Variants in PRUNE2 observed in about 807,000 individuals in gnomAD.
PRUNE2 encodes the protein protein prune homolog 2.
Under a neutral mutation model 252.0 loss-of-function variants are expected in PRUNE2, and 164 were observed. The ratio of observed to expected loss-of-function variants is 0.65; its 90% CI spans 0.57 to 0.74. The LOEUF is 0.74. PRUNE2 is among the 30% of genes least tolerant of loss of function. PRUNE2 has a pLI of 0.00. For missense variants in PRUNE2, 3,495 were observed against 3,711.0 expected (o/e 0.94, Z 1.51); for synonymous variants, 1,292 against 1,350.2 (o/e 0.96, Z 0.94).
intron 1 of PRUNE2, among the ~76,000 whole-genome samples, chr9:76,885,848 T>C (rs1376979008): frequency 2.0e-5 from 1 of 49,216 alleles, no homozygotes; most frequent in East Asian, 3.7e-4. Context: ...ATTTAGTGAA[T>C]TTTTTTTTTA....
intron 6 of PRUNE2, among the ~76,000 whole-genome samples, chr9:76,806,371 G>A (rs1466525026): frequency 6.6e-6 from 1 of 152,138 alleles, no homozygotes; most frequent in Non-Finnish European, 1.5e-5. Flanking sequence ...CGGATACACT[G>A]TTATGGTGTT....
At chr9:76,738,560 T>C (rs1050020370) in intron 6 of PRUNE2, 3 of 152,224 alleles carry the variant, frequency 2.0e-5, no homozygotes, top group Non-Finnish European at 4.4e-5. Flanking sequence ...TTATAAGAGA[T>C]AATTTGTTTG....
intron 1 of PRUNE2, among the ~76,000 whole-genome samples, chr9:76,881,347 C>T (rs1270394353): frequency 6.6e-6 from 1 of 152,094 alleles, no homozygotes; most frequent in Non-Finnish European, 1.5e-5. Flanking sequence ...AATAAAAATG[C>T]CATGCATGGG....
At chr9:76,654,424 G>A (rs1848502864) in intron 10 of PRUNE2, among the ~76,000 whole-genome samples, 1 of 152,182 alleles carries the variant, frequency 6.6e-6, no homozygotes, top group African/African-American at 2.4e-5. Flanking sequence ...CTATTGACAA[G>A]TAAGTTTCAA....
At chr9:76,864,406 A>T (rs993611401) in intron 1 of PRUNE2, among the ~76,000 whole-genome samples, 20 of 152,136 alleles carry the variant, frequency 1.3e-4, no homozygotes, top group Non-Finnish European at 7.3e-5. Flanking sequence ...CACCTAATAC[A>T]CCCATGTAAC....
intron 18 of PRUNE2, among the ~76,000 whole-genome samples, chr9:76,616,975 A>C (rs1044207768): frequency 8.0e-5 from 12 of 150,264 alleles, no homozygotes; most frequent in South Asian, 4.2e-4. Context: ...TAAATAAATA[A>C]ATACATAAAT....
At chr9:76,652,402 T>C in intron 11 of PRUNE2, 81 bp downstream of exon 11, 1 of 952,942 alleles carries the variant, frequency 1.0e-6, no homozygotes, top group Non-Finnish European at 1.6e-6. Flanking sequence ...AAGGATCCAC[T>C]GGCACAAAAA....
intron 6 of PRUNE2, among the ~76,000 whole-genome samples, chr9:76,730,394 A>T (rs1564169397): frequency 6.6e-6 from 1 of 152,240 alleles, no homozygotes; most frequent in African/African-American, 2.4e-5. Flanking sequence ...GAGTCACAAC[A>T]TATATTAACC....
intron 6 of PRUNE2, among the ~76,000 whole-genome samples, chr9:76,772,009 C>T (rs180887877): frequency 1.3e-4 from 20 of 152,302 alleles, no homozygotes; most frequent in South Asian, 6.2e-4. Flanking sequence ...TTTGCCTATA[C>T]GAAGTCCGAG....
intron 6 of PRUNE2, among the ~76,000 whole-genome samples, chr9:76,813,843 G>GTC (rs1240778538): frequency 6.6e-6 from 1 of 152,120 alleles, no homozygotes; most frequent in Non-Finnish European, 1.5e-5. Context: ...ATGAGACAGA[G>GTC]TCTCTCTCTG....
At chr9:76,655,542 T>C (rs1347515346) in intron 9 of PRUNE2, 40 bp from the exon 10 acceptor site, 6 of 1,421,602 alleles carry the variant, frequency 4.2e-6, no homozygotes, top group African/African-American at 1.4e-5. Context: ...ACAACAACTG[T>C]GTAAGACTTC....
At chr9:76,866,250 G>T (rs2060833470) in intron 1 of PRUNE2, among the ~76,000 whole-genome samples, 1 of 152,182 alleles carries the variant, frequency 6.6e-6, no homozygotes, top group Non-Finnish European at 1.5e-5. Flanking sequence ...ACACTTGCAT[G>T]ATCAATGCAT....
chr9:76,794,200 T>C (rs1238697508), intron 6 of PRUNE2, among the ~76,000 whole-genome samples: 1 of 152,184 alleles, frequency 6.6e-6, no homozygotes. Context: ...ACCAACGAGA[T>C]ACGGTGCTTC....
intron 6 of PRUNE2, among the ~76,000 whole-genome samples, chr9:76,819,670 G>A (rs907395838): frequency 6.6e-6 from 1 of 152,210 alleles, no homozygotes; most frequent in African/African-American, 2.4e-5. Context: ...GATCAAGTCA[G>A]TGCATGGCTA....
intron 2 of PRUNE2, among the ~76,000 whole-genome samples, chr9:76,851,275 C>T (rs997037460): frequency 6.6e-6 from 1 of 152,040 alleles, no homozygotes; most frequent in South Asian, 2.1e-4. Context: ...GGGCTGGGTG[C>T]GATGGTTCAT....
intron 12 of PRUNE2, among the ~76,000 whole-genome samples, chr9:76,644,043 T>G (rs1843700931): frequency 6.6e-6 from 1 of 152,136 alleles, no homozygotes; most frequent in Non-Finnish European, 1.5e-5. Context: ...TTTCTGAAGT[T>G]GACAATGTTA....
chr9:76,704,472 T>A (rs1046644523), intron 8 of PRUNE2, among the ~76,000 whole-genome samples: 2 of 152,138 alleles, frequency 1.3e-5, no homozygotes, highest in African/African-American at 4.8e-5. Flanking sequence ...TGATCCCCCC[T>A]CCTTGGCCTC....
chr9:76,776,893 TACACACACACACACACACAC>T (rs541232508), intron 6 of PRUNE2, among the ~76,000 whole-genome samples: 7 of 115,616 alleles, frequency 6.1e-5, no homozygotes, highest in South Asian at 3.0e-4. Flanking sequence ...CCAAAACACA[TACACACACACACACACACAC>T]ACACACACAC....
intron 6 of PRUNE2, among the ~76,000 whole-genome samples, chr9:76,809,999 C>G (rs894161539): frequency 6.6e-6 from 1 of 152,010 alleles, no homozygotes; most frequent in Non-Finnish European, 1.5e-5. Context: ...TTGGGCTTCA[C>G]GGGCAGGAAG....
Sources: allele counts gnomAD v4.1 joint callset (sites outside exome capture counted in the v4.1 genomes callset), GRCh38; gene constraint gnomAD v4.1.1; transcripts MANE v1.5; gene names NCBI Gene and HGNC (gene_info 2026-07-23, HGNC 2026-07-21).